The following OSR1 variants were observed in gnomAD, a reference collection of about 807,000 sequenced individuals.
OSR1 encodes protein odd-skipped-related 1.
In OSR1, 3 loss-of-function variants were observed where a neutral mutation model predicts 15.7. That is an observed-to-expected ratio of 0.19 (90% CI 0.09 to 0.50). The LOEUF (loss-of-function observed/expected upper bound fraction) is 0.50. Ranked by LOEUF, OSR1 falls within the 20% of genes least tolerant of loss-of-function variation. OSR1 has a pLI of 0.97. For missense variants in OSR1, 271 were observed against 351.1 expected, an observed-to-expected ratio of 0.77 and a Z score of 1.82; for synonymous variants, 166 against 152.7, an observed-to-expected ratio of 1.09 and a Z score of -0.64.
At chr2:19,346,951 G>A (rs1179555766), downstream of OSR1, among the ~76,000 whole-genome samples, 1 of 152,210 alleles carries the variant, frequency 6.6e-6, no homozygotes, top group African/African-American at 2.4e-5. Flanking sequence ...AACGTGTGGT[G>A]AGTAGCGCTC....
Position 19,353,568 on chromosome 2 carries a change from C to A in OSR1, c.238G>T (p.Val80Leu). The A allele has an allele frequency of 6.2e-7, 1 of 1,614,212 alleles. No homozygotes were observed. Among genetic ancestry groups the A allele is most frequent in the Non-Finnish European group, 8.5e-7 (1 of 1,180,030 alleles). ...SKVPGTVSSL[V>L]DARFQLPAFP... is the part of the protein sequence containing the mutation. ...GCGGGCAGCTGGAAGCGCGCATCCACCAAGCTGGACACCGTGCCCGGCACT... is the reference window on the plus strand; with the variant it reads ...GCGGGCAGCTGGAAGCGCGCATCCAACAAGCTGGACACCGTGCCCGGCACT... The change falls in exon 2 of 3, where the codon GTG becomes TTG. Residue 80 changes from valine to leucine, a missense_variant. Val to Leu is a conservative substitution (Grantham distance 32, BLOSUM62 1). Around this residue, in one of 4 missense-constraint regions of OSR1, gnomAD observed 210 missense variants for 218.4 expected, o/e 0.96. Coordinates refer to ENST00000272223, the MANE Select transcript of OSR1 (RefSeq NM_145260.3).
Position 19,353,670 on chromosome 2 carries a change from C to A in OSR1, c.136G>T (p.Ala46Ser), listed in dbSNP as rs1664888846. ...TGATGCAGGTGCACAGCGTGCAACG[C>A]GCTGAAACCATACAGGTTGGGCAGA... is the stretch of plus-strand genomic sequence containing the variant. ...DHLPNLYGFS[A>S]LHAVHLHQWT... The change falls in exon 2 of 3, where the codon GCG (alanine) becomes TCG (serine). Residue 46 changes from alanine to serine, a missense_variant. Ala to Ser is a moderately conservative substitution (Grantham distance 99, BLOSUM62 1). This residue lies in a region of OSR1 where 210 missense variants were observed against 218.4 expected (regional missense o/e 0.96). Transcript: ENST00000272223. 6 of 1,614,190 alleles carry A rather than the reference C, an allele frequency of 3.7e-6. No individual in the cohort carries two copies. The highest frequency in any genetic ancestry group is 4.2e-6 in the Non-Finnish European group (5 of 1,180,026).
downstream of OSR1, among the ~76,000 whole-genome samples, chr2:19,348,675 G>C (rs1039462941): frequency 6.6e-6 from 1 of 152,140 alleles, no homozygotes; most frequent in Non-Finnish European, 1.5e-5. Context: ...AAGGAAGTAC[G>C]CGGGAAAACA....
At chr2:19,355,320 C>G (rs954189684) in intron 1 of OSR1, 2 of 152,624 alleles carry the variant, frequency 1.3e-5, no homozygotes, top group Admixed American at 1.3e-4. Flanking sequence ...TGGAGCAATT[C>G]CCCTTCCCTG....
In OSR1 at chr2:19,353,545, G is replaced by A. The variant is rs780564066; in HGVS notation, c.261C>T (p.Pro87=). 5 of 1,614,098 alleles carry A rather than the reference G, an allele frequency of 3.1e-6. No homozygotes were observed. Among genetic ancestry groups the A allele is most frequent in the Middle Eastern group, 1.6e-4 (1 of 6,084 alleles). ...SSLVDARFQL[P]AFPWFPHVIQ... ...TGACATGAGGGAACCAGGGAAAGGC[G>A]GGCAGCTGGAAGCGCGCATCCACCA... is the stretch of plus-strand genomic sequence containing the variant. The change falls in exon 2 of 3, where the codon CCC becomes CCT. Residue 87 remains proline (P), a synonymous_variant. Transcript: ENST00000272223.
In OSR1 at chr2:19,354,083, G is replaced by T. The variant is rs1664900145; in HGVS notation, c.-32-246C>A. 1.8e-5 allele frequency: 8 copies of T among 447,230 alleles called. No individual in the cohort carries two copies. In the South Asian group the frequency reaches 3.0e-4, roughly 17 times the overall value. The allele number at this position is 447,230 out of a possible 1,614,324, so 27.7% of individuals were successfully genotyped here. A position where few individuals can be genotyped will look rare whatever the true frequency, so the allele number is the denominator to read the frequency against. ...CTCCCTCCAAATGGCGTCTGGCAGA[G>T]CCACACAACTTGATAGAGGGAAGGG... On this transcript the variant is annotated intron_variant, in intron 1 of 2. Coordinates refer to ENST00000272223, the MANE Select transcript of OSR1 (RefSeq NM_145260.3).
In OSR1 at chr2:19,358,582, A is replaced by C. The variant is rs1665005355; in HGVS notation, c.-274T>G. ...CCCTCGCTGGGTCTGAACCAGGAGC[A>C]GCTGAGAACGTGCCGGGGAGAGGCC... On this transcript the variant is annotated 5_prime_UTR_variant, in exon 1 of 3. Coordinates refer to ENST00000272223, the MANE Select transcript of OSR1 (RefSeq NM_145260.3). The C allele has an allele frequency of 6.6e-6, 1 of 152,244 alleles. No individual in the cohort carries two copies. The highest frequency in any genetic ancestry group is 2.4e-5 in the African/African-American group (1 of 41,454). 9.4% of individuals were successfully genotyped at this position (152,244 alleles called of 1,614,324 possible).
chr2:19,348,514 C>A (rs960782104), downstream of OSR1: 4 of 154,098 alleles, frequency 2.6e-5, no homozygotes, highest in Non-Finnish European at 5.9e-5. Context: ...AGAGGTGGGA[C>A]GGGACTCTTT....
the OSR1 span, among the ~76,000 whole-genome samples, chr2:19,345,999 C>A: frequency 6.6e-6 from 1 of 152,190 alleles, no homozygotes; most frequent in Non-Finnish European, 1.5e-5. Flanking sequence ...TGGCTTTCTT[C>A]CATGCCCCCT....
At chr2:19,348,240 C>T (rs996389639), downstream of OSR1, among the ~76,000 whole-genome samples, 1 of 152,110 alleles carries the variant, frequency 6.6e-6, no homozygotes, top group Non-Finnish European at 1.5e-5. Context: ...AGGACAGCTG[C>T]CAACGCTTCG....
At chr2:19,353,047 G>T in intron 2 of OSR1, 94 bp downstream of exon 2, 1 of 1,432,250 alleles carries the variant, frequency 7.0e-7, no homozygotes, top group Non-Finnish European at 9.5e-7. Flanking sequence ...CCAGAGGCTT[G>T]GAGCCAGTAG....
At position 19,352,004 on chromosome 2, in the gene OSR1, C is replaced by CTTTTTTTAATGCAG; in HGVS notation, c.*257_*270dup. ...GCTGCGGCTCCGCGGAGCTTTCGTT[C>CTTTTTTTAATGCAG]TTTTTTTAATGCAGTTTCCCTTCCG... is the stretch of plus-strand genomic sequence containing the variant. On this transcript the variant is annotated 3_prime_UTR_variant, in exon 3 of 3. Coordinates refer to ENST00000272223, the MANE Select transcript of OSR1 (RefSeq NM_145260.3). 2.8e-6 allele frequency: 1 copy of CTTTTTTTAATGCAG among 352,826 alleles called. No homozygotes were observed. The highest frequency in any genetic ancestry group is 5.1e-6 in the Non-Finnish European group (1 of 196,496). The allele number at this position is 352,826 out of a possible 1,614,324, so 21.9% of individuals were successfully genotyped here.
chr2:19,352,519 G>A (rs1308022971), intron 2 of OSR1, 109 bp from the exon 3 acceptor site: 2 of 1,311,198 alleles, frequency 1.5e-6, no homozygotes, highest in East Asian at 4.7e-5. Flanking sequence ...AAGGAAAAGT[G>A]TATAGTCAGG....
At position 19,352,327 on chromosome 2, in the gene OSR1, T is replaced by A; in HGVS notation, c.749A>T (p.Lys250Met). 6.2e-7 allele frequency: 1 copy of A among 1,614,254 alleles called. No individual in the cohort carries two copies. Among genetic ancestry groups the A allele is most frequent in the Non-Finnish European group, 8.5e-7 (1 of 1,180,046 alleles). The change falls in exon 3 of 3, where the codon AAG becomes ATG. Residue 250 changes from lysine to methionine, a missense_variant. Lys to Met is a moderately conservative substitution (Grantham distance 95). This residue lies in a region of OSR1 where 21 missense variants were observed against 24.3 expected (regional missense o/e 0.86). Transcript: ENST00000272223. ...FCQSRTLAVH[K>M]TLHSQVKELK... ...CTCCTTCACCTGTGAGTGTAGCGTC[T>A]TGTGGACAGCGAGAGTCCTGGACTG...
At position 19,353,121 on chromosome 2, in the gene OSR1, C is replaced by A. The variant is rs566509983; in HGVS notation, c.665+20G>T. 110 of 1,610,464 alleles carry A rather than the reference C, an allele frequency of 6.8e-5. No homozygotes were observed. The South Asian group carries it at 1.2e-3, about 17-fold the overall frequency. On this transcript the variant is annotated intron_variant, in intron 2 of 2. Transcript: ENST00000272223. ...GCCAGAGGCAGAGAGCTCTCTCTTGCGCCACCCGCAGTGCCGCACCTGTGG... is the reference window on the plus strand; with the variant it reads ...GCCAGAGGCAGAGAGCTCTCTCTTGAGCCACCCGCAGTGCCGCACCTGTGG...
In OSR1 at chr2:19,352,173, C is replaced by G; in HGVS notation, c.*102G>C. On this transcript the variant is annotated 3_prime_UTR_variant, in exon 3 of 3. Coordinates refer to ENST00000272223, the MANE Select transcript of OSR1 (RefSeq NM_145260.3). ...GGACAATGTTGGAGAGGTGGAAGGT[C>G]CCGAGCGAGCGCCTCTCCCGCTGCC... 1.5e-6 allele frequency: 2 copies of G among 1,360,354 alleles called. No homozygotes were observed. The highest frequency in any genetic ancestry group is 2.4e-5 in the East Asian group (1 of 42,132). 84.3% of individuals were successfully genotyped at this position (1,360,354 alleles called of 1,614,324 possible).
chr2:19,345,061 T>C, the OSR1 span, among the ~76,000 whole-genome samples: 2 of 152,100 alleles, frequency 1.3e-5, no homozygotes, highest in Non-Finnish European at 2.9e-5. Context: ...TATATATGTA[T>C]ATATAATTTA....
At chr2:19,348,001 C>T (rs1392474973), downstream of OSR1, among the ~76,000 whole-genome samples, 1 of 152,264 alleles carries the variant, frequency 6.6e-6, no homozygotes, top group African/African-American at 2.4e-5. Flanking sequence ...CGTCAGCTTC[C>T]GGACTCCGGC....
At chr2:19,347,369 C>CT (rs770740659), downstream of OSR1, among the ~76,000 whole-genome samples, 2 of 152,164 alleles carry the variant, frequency 1.3e-5, no homozygotes, top group Non-Finnish European at 2.9e-5. Flanking sequence ...AGGAAAAGCC[C>CT]TACCCCCATT....
Sources: gnomAD v4.1 joint callset for allele counts (sites outside exome capture counted in the v4.1 genomes callset) on GRCh38, gnomAD v4.1.1 for gene constraint, gnomAD v4.1.1 regional missense constraint, MANE v1.5 for transcripts, NCBI Gene and HGNC (gene_info 2026-07-23, HGNC 2026-07-21) for gene names.